CFAP210: variants seen among roughly 807,000 people sequenced by gnomAD.
The protein encoded by CFAP210 is cilia- and flagella- associated protein 210.
the CFAP210 span, chr2:169,658,440 T>C: frequency 6.6e-6 from 1 of 152,494 alleles, no homozygotes; most frequent in Non-Finnish European, 1.5e-5. Context: ...AATATTTAGA[T>C]AAAAGTCACA....
At chr2:169,657,371 C>T in the CFAP210 span, among the ~76,000 whole-genome samples, 1 of 151,648 alleles carries the variant, frequency 6.6e-6, no homozygotes, top group Non-Finnish European at 1.5e-5. Context: ...TTTTGGAGCA[C>T]CAGAGATAAA....
At chr2:169,673,068 C>T in the CFAP210 span, among the ~76,000 whole-genome samples, 1,523 of 152,216 alleles carry the variant, frequency 0.01, 26 homozygotes, top group African/African-American at 0.035. Context: ...CAAAGCCCAC[C>T]ATGAGAAGTA....
chr2:169,668,930 C>T, the CFAP210 span, among the ~76,000 whole-genome samples: 1 of 152,106 alleles, frequency 6.6e-6, no homozygotes, highest in African/African-American at 2.4e-5. Context: ...GATAAATTCG[C>T]TCAATGCAGG....
chr2:169,674,816 T>A, the CFAP210 span: 1 of 1,501,632 alleles, frequency 6.7e-7, no homozygotes, highest in African/African-American at 1.4e-5. Context: ...TGCCTAATTA[T>A]GTACAGATAT....
the CFAP210 span, chr2:169,680,931 A>G: frequency 2.4e-6 from 3 of 1,251,180 alleles, no homozygotes; most frequent in Non-Finnish European, 3.4e-6. Context: ...AAAAATTTAT[A>G]AAAAGAAGCA....
At chr2:169,674,820 C>T in the CFAP210 span, 1 of 1,503,060 alleles carries the variant, frequency 6.7e-7, no homozygotes, top group South Asian at 1.3e-5. Context: ...TAATTATGTA[C>T]AGATATGTTA....
chr2:169,667,502 C>G, the CFAP210 span, among the ~76,000 whole-genome samples: 1 of 152,068 alleles, frequency 6.6e-6, no homozygotes. Context: ...TTTACTTTCC[C>G]CAGATCCATT....
the CFAP210 span, among the ~76,000 whole-genome samples, chr2:169,666,740 T>C: frequency 1.3e-5 from 2 of 152,262 alleles, no homozygotes; most frequent in Admixed American, 1.3e-4. Flanking sequence ...TAACCCACAG[T>C]AGGACTTCTT....
the CFAP210 span, among the ~76,000 whole-genome samples, chr2:169,663,271 CTCTTT>C: frequency 4.2e-4 from 54 of 129,092 alleles, no homozygotes; most frequent in South Asian, 9.8e-4. Context: ...TGCCCTCTCT[CTCTTT>C]TTTTTTTTTT....
chr2:169,664,627 GT>G, the CFAP210 span, among the ~76,000 whole-genome samples: 16 of 152,176 alleles, frequency 1.1e-4, no homozygotes, highest in African/African-American at 3.9e-4. Context: ...AGATCCTCTA[GT>G]TCAAGGAAGA....
chr2:169,680,429 T>A, the CFAP210 span, among the ~76,000 whole-genome samples: 2 of 152,364 alleles, frequency 1.3e-5, no homozygotes, highest in South Asian at 4.1e-4. Context: ...TGGAAGCATA[T>A]GTCCATACAT....
chr2:169,672,052 G>GT, the CFAP210 span, among the ~76,000 whole-genome samples: 4 of 152,088 alleles, frequency 2.6e-5, no homozygotes, highest in Admixed American at 1.3e-4. Flanking sequence ...GTTTAAAGAG[G>GT]TTTTTTATAG....
the CFAP210 span, among the ~76,000 whole-genome samples, chr2:169,669,292 C>A: frequency 0.41 from 61,949 of 151,824 alleles, 12,913 homozygotes; most frequent in Non-Finnish European, 0.44. Context: ...AGAGGAAGGA[C>A]TGGTAAGAGA....
the CFAP210 span, chr2:169,645,804 A>C: frequency 7.4e-7 from 1 of 1,351,268 alleles, no homozygotes; most frequent in Non-Finnish European, 1.0e-6. Context: ...CATATATGCT[A>C]CAACTTAGTC....
At chr2:169,671,021 T>C in the CFAP210 span, among the ~76,000 whole-genome samples, 2 of 152,188 alleles carry the variant, frequency 1.3e-5, no homozygotes, top group African/African-American at 4.8e-5. Flanking sequence ...GCAATTTCCA[T>C]TTCTTTGTGA....
At chr2:169,688,408 C>T in the CFAP210 span, among the ~76,000 whole-genome samples, 2 of 152,158 alleles carry the variant, frequency 1.3e-5, no homozygotes, top group Non-Finnish European at 2.9e-5. Flanking sequence ...CTCTTGAATG[C>T]TTTGCTGCTT....
the CFAP210 span, among the ~76,000 whole-genome samples, chr2:169,652,999 CAAAAAAAAAAAAA>C: frequency 1.3e-4 from 1 of 7,730 alleles, no homozygotes; most frequent in Non-Finnish European, 2.2e-4. Context: ...GACTCCGTCT[CAAAAAAAAAAAAA>C]AAAAAAAAAA....
the CFAP210 span, among the ~76,000 whole-genome samples, chr2:169,651,994 G>C: frequency 2.0e-5 from 3 of 151,942 alleles, no homozygotes; most frequent in Non-Finnish European, 4.4e-5. Context: ...AGATTCCTCA[G>C]GTCAGAAATT....
the CFAP210 span, among the ~76,000 whole-genome samples, chr2:169,660,602 ATAT>A: frequency 0.12 from 13,395 of 113,886 alleles, 651 homozygotes; most frequent in Middle Eastern, 0.19. Context: ...ATATATATAT[ATAT>A]TTTTTTTTTT....
Sources: allele counts gnomAD v4.1 joint callset (sites outside exome capture counted in the v4.1 genomes callset), GRCh38; gene constraint gnomAD v4.1.1; transcripts MANE v1.5; gene names NCBI Gene and HGNC (gene_info 2026-07-23, HGNC 2026-07-21).